Variants in AGBL1 observed in about 807,000 individuals in gnomAD.
AGBL1 encodes the protein cytosolic carboxypeptidase 4.
In AGBL1, 130 loss-of-function variants were observed where a neutral mutation model predicts 118.9. The observed-to-expected ratio is 1.09, with a 90% CI of 0.95 to 1.26. AGBL1 has a LOEUF of 1.26. AGBL1 is among the 50% of genes most tolerant of loss of function. AGBL1 has a pLI of 0.00. For synonymous variants in AGBL1, 555 were observed against 478.9 expected (o/e 1.16, Z -2.08); for missense variants, 1,584 against 1,298.1 (o/e 1.22, Z -3.38).
At chr15:86,325,080 G>C (rs774034134) in intron 17 of AGBL1, among the ~76,000 whole-genome samples, 5 of 152,202 alleles carry the variant, frequency 3.3e-5, no homozygotes, top group Non-Finnish European at 7.3e-5. Context: ...AGTCAGTGGA[G>C]AATGTTTAAA....
chr15:86,810,130 C>T (rs913462123), intron 22 of AGBL1, among the ~76,000 whole-genome samples: 3 of 152,072 alleles, frequency 2.0e-5, no homozygotes, highest in Non-Finnish European at 4.4e-5. Context: ...TAAAAACAAA[C>T]AGCAACAATA....
chr15:86,246,440 C>T (rs1392398949), intron 6 of AGBL1, among the ~76,000 whole-genome samples: 3 of 152,052 alleles, frequency 2.0e-5, no homozygotes, highest in Non-Finnish European at 4.4e-5. Context: ...AGGTTCATGG[C>T]GTTATCTGTC....
chr15:86,870,137 C>T (rs1167672578), intron 22 of AGBL1, among the ~76,000 whole-genome samples: 1 of 152,112 alleles, frequency 6.6e-6, no homozygotes, highest in African/African-American at 2.4e-5. Flanking sequence ...AATTGAACAA[C>T]ATGAACTTTC....
At chr15:86,797,632 T>C (rs1365965183) in intron 22 of AGBL1, among the ~76,000 whole-genome samples, 1 of 151,726 alleles carries the variant, frequency 6.6e-6, no homozygotes, top group African/African-American at 2.4e-5. Context: ...TGCTTAAATA[T>C]TTCTATGGAA....
chr15:86,852,431 C>T (rs533386709), intron 22 of AGBL1, among the ~76,000 whole-genome samples: 22 of 152,216 alleles, frequency 1.4e-4, no homozygotes, highest in African/African-American at 4.6e-4. Context: ...CAGAGCCAAA[C>T]CATATCAGTC....
chr15:86,729,023 A>G (rs2077494631), intron 22 of AGBL1, among the ~76,000 whole-genome samples: 1 of 152,200 alleles, frequency 6.6e-6, no homozygotes, highest in Admixed American at 6.5e-5. Context: ...AATAAATGCA[A>G]CAAAACTCTA....
chr15:86,772,625 C>A (rs1233136179), intron 22 of AGBL1, among the ~76,000 whole-genome samples: 1 of 151,684 alleles, frequency 6.6e-6, no homozygotes, highest in Admixed American at 6.6e-5. Context: ...TGGGATAATG[C>A]CAATATTTAA....
chr15:86,642,909 TAAAATA>T (rs1451318323), intron 21 of AGBL1, among the ~76,000 whole-genome samples: 1 of 152,158 alleles, frequency 6.6e-6, no homozygotes, highest in Non-Finnish European at 1.5e-5. Flanking sequence ...CTCATACTGT[TAAAATA>T]AATAAATGTG....
rs1772143773 is a variant in AGBL1, at chr15:86,915,214, G to A, written c.*7920G>A. 6.6e-6 allele frequency: 1 copy of A among 152,150 alleles called. No homozygotes were observed. Among genetic ancestry groups the A allele is most frequent in the Non-Finnish European group, 1.5e-5 (1 of 68,058 alleles). 9.4% of individuals were successfully genotyped at this position (152,150 alleles called of 1,614,324 possible). On this transcript the variant is annotated 3_prime_UTR_variant, in exon 23 of 23. Coordinates refer to ENST00000614907, the MANE Select transcript of AGBL1 (RefSeq NM_001386094.1). Reference sequence around the variant, plus strand: ...CTTACCACTCTTCTCACCTTTGGTTGTGCTTCCTTTCCAACCCTTTCATCC... The same window carrying A: ...CTTACCACTCTTCTCACCTTTGGTTATGCTTCCTTTCCAACCCTTTCATCC...
intron 5 of AGBL1, among the ~76,000 whole-genome samples, chr15:86,173,455 C>T (rs1470558316): frequency 6.6e-6 from 1 of 151,974 alleles, no homozygotes; most frequent in Non-Finnish European, 1.5e-5. Flanking sequence ...AATGTAGTCC[C>T]ATTTGTCTGT....
chr15:86,139,487 T>C (rs868808911), intron 1 of AGBL1, among the ~76,000 whole-genome samples: 1 of 152,160 alleles, frequency 6.6e-6, no homozygotes, highest in Admixed American at 6.5e-5. Context: ...CTGTGCTGTA[T>C]TGAAAAATAA....
rs562065876 is a variant in AGBL1 at position 86,750,369 on chromosome 15, T to A, written c.3158+75933T>A. On this transcript the variant is annotated intron_variant, in intron 22 of 22. Coordinates refer to ENST00000614907, the MANE Select transcript of AGBL1 (RefSeq NM_001386094.1). ...ATGTGTAATGATCAAATCAGGGTAA[T>A]TGACATTTTATTTTTCAGCGAAAAA... Among the ~76,000 whole-genome samples, 12 of 151,544 alleles carry A rather than the reference T, an allele frequency of 7.9e-5. No individual in the cohort carries two copies. The South Asian group carries it at 2.5e-3, about 31-fold the overall frequency.
chr15:86,228,329 A>G (rs1055478610), intron 6 of AGBL1, among the ~76,000 whole-genome samples: 1 of 152,176 alleles, frequency 6.6e-6, no homozygotes, highest in Non-Finnish European at 1.5e-5. Context: ...GTAAACCTTT[A>G]GCTCCTAAAG....
At chr15:86,292,578 G>T (rs991753735) in intron 16 of AGBL1, among the ~76,000 whole-genome samples, 2 of 152,150 alleles carry the variant, frequency 1.3e-5, no homozygotes, top group Admixed American at 1.3e-4. Context: ...GAGAAAGAAT[G>T]GGACAGAGTC....
At chr15:86,587,920 G>A (rs758574779) in intron 21 of AGBL1, among the ~76,000 whole-genome samples, 3 of 152,094 alleles carry the variant, frequency 2.0e-5, no homozygotes, top group Non-Finnish European at 4.4e-5. Context: ...AGGCTCCAAC[G>A]ACTCACTATG....
intron 5 of AGBL1, among the ~76,000 whole-genome samples, chr15:86,176,719 C>A (rs2077487004): frequency 6.6e-6 from 1 of 152,148 alleles, no homozygotes; most frequent in African/African-American, 2.4e-5. Flanking sequence ...TGTGCTGCAG[C>A]TGCTTGGGTC....
intron 23 of AGBL1, among the ~76,000 whole-genome samples, chr15:86,952,170 G>A (rs1386755021): frequency 6.6e-6 from 1 of 151,854 alleles, no homozygotes; most frequent in African/African-American, 2.4e-5. Context: ...GACAGAGTTT[G>A]CAGTGAGCCG....
At chr15:86,435,572 T>G (rs1476973574) in intron 18 of AGBL1, among the ~76,000 whole-genome samples, 1 of 152,204 alleles carries the variant, frequency 6.6e-6, no homozygotes, top group African/African-American at 2.4e-5. Context: ...TTTAAGGTTC[T>G]GTGTCATTTT....
At chr15:86,320,331 C>T (rs969104949) in intron 17 of AGBL1, among the ~76,000 whole-genome samples, 1 of 151,604 alleles carries the variant, frequency 6.6e-6, no homozygotes, top group African/African-American at 2.4e-5. Flanking sequence ...AGCTTGCTTT[C>T]ACATCATATT....
Sources: allele counts gnomAD v4.1 joint callset (sites outside exome capture counted in the v4.1 genomes callset), GRCh38; gene constraint gnomAD v4.1.1; transcripts MANE v1.5; gene names NCBI Gene and HGNC (gene_info 2026-07-23, HGNC 2026-07-21).